SGTA: variants seen among roughly 807,000 people sequenced by gnomAD.
SGTA encodes the protein small glutamine-rich tetratricopeptide repeat-containing protein alpha.
A neutral mutation model predicts 44.3 loss-of-function variants in SGTA; 22 were observed. The observed-to-expected ratio is 0.50, with a 90% CI of 0.36 to 0.71. The LOEUF is 0.71. SGTA is among the 30% of genes least tolerant of loss of function. The pLI is 0.00. For missense variants in SGTA, 341 were observed against 435.9 expected (o/e 0.78, Z 1.94); for synonymous variants, 174 against 177.6 (o/e 0.98, Z 0.16).
intron 1 of SGTA, among the ~76,000 whole-genome samples, chr19:2,776,404 C>T (rs191658729): frequency 2.0e-5 from 3 of 152,346 alleles, no homozygotes; most frequent in African/African-American, 7.2e-5. Context: ...ACAACATGGG[C>T]GGACCTTGAG....
rs572026061 is a variant in SGTA, at chr19:2,763,861, G to A, written c.393-104C>T. ...CTGCGTTCCTCTCCAACTTCCTGGA[G>A]GAACGGCCTCAGTTTTCCCCATCTG... On this transcript the variant is annotated intron_variant, in intron 5 of 11. Transcript: ENST00000221566. The surrounding 1 kb of genome is among the most constrained non-coding windows in gnomAD (Gnocchi z 5.8). 12 of 830,856 alleles carry A rather than the reference G, an allele frequency of 1.4e-5. No individual in the cohort carries two copies. The African/African-American group carries it at 1.7e-4, about 12-fold the overall frequency. 51.5% of individuals were successfully genotyped at this position (830,856 alleles called of 1,614,324 possible). A position where few individuals can be genotyped will look rare whatever the true frequency, so the allele number is the denominator to read the frequency against.
chr19:2,759,240 A>T lies in SGTA; in HGVS notation c.737+17T>A, dbSNP rs1914915933. ...TTTAACCACAACAAGACCCGAAGAA[A>T]CCCGGTTGTCACTTACAGCTGCTGA... On this transcript the variant is annotated intron_variant, in intron 9 of 11. Transcript: ENST00000221566. The T allele has an allele frequency of 6.2e-7, 1 of 1,612,886 alleles. No individual in the cohort carries two copies. The highest frequency in any genetic ancestry group is 8.5e-7 in the Non-Finnish European group (1 of 1,179,118).
At chr19:2,756,486 G>C (rs142420855) in intron 11 of SGTA, among the ~76,000 whole-genome samples, 2 of 151,976 alleles carry the variant, frequency 1.3e-5, no homozygotes, top group Admixed American at 1.3e-4. Flanking sequence ...GATTGTTCTT[G>C]CTGCTTTTTA....
chr19:2,766,558 G>A (rs945265790), intron 4 of SGTA, among the ~76,000 whole-genome samples: 3 of 151,936 alleles, frequency 2.0e-5, no homozygotes, highest in Non-Finnish European at 1.5e-5. Flanking sequence ...TCAGCCTCCT[G>A]AGTAGTTGGG....
At chr19:2,766,496 G>A (rs941144311) in intron 4 of SGTA, among the ~76,000 whole-genome samples, 2 of 151,772 alleles carry the variant, frequency 1.3e-5, no homozygotes, top group African/African-American at 2.4e-5. Flanking sequence ...GCAGTGGCGC[G>A]ATCTGGACTC....
At chr19:2,768,802 C>T (rs1328054628) in intron 2 of SGTA, among the ~76,000 whole-genome samples, 167 bp downstream of exon 2, 3 of 152,234 alleles carry the variant, frequency 2.0e-5, no homozygotes, top group African/African-American at 4.8e-5. Flanking sequence ...CTGGCTCCCA[C>T]GGCCGGGGGC....
intron 1 of SGTA, among the ~76,000 whole-genome samples, chr19:2,771,152 G>A (rs891556764): frequency 1.3e-5 from 2 of 152,242 alleles, no homozygotes; most frequent in African/African-American, 2.4e-5. Flanking sequence ...TCTGCCAGGC[G>A]TGGTGGCTCA....
intron 1 of SGTA, among the ~76,000 whole-genome samples, chr19:2,775,356 C>A (rs1387544386): frequency 2.6e-5 from 4 of 152,236 alleles, no homozygotes; most frequent in Non-Finnish European, 5.9e-5. Context: ...GACCGCATAA[C>A]CCACCCCGCG....
intron 8 of SGTA, 108 bp from the exon 9 acceptor site, chr19:2,759,402 CA>C (rs1914921285): frequency 1.0e-6 from 1 of 990,034 alleles, no homozygotes. Flanking sequence ...TCCAGCACGC[CA>C]ACCAACAGTA....
intron 8 of SGTA, among the ~76,000 whole-genome samples, chr19:2,760,946 G>A (rs368662852): frequency 3.9e-5 from 6 of 152,194 alleles, no homozygotes; most frequent in Admixed American, 3.9e-4. Flanking sequence ...ATGGCTCTCC[G>A]AGGATCCCAG....
In SGTA at chr19:2,763,031, G is replaced by A. The variant is rs780926498; in HGVS notation, c.498-387C>T. On this transcript the variant is annotated intron_variant, in intron 6 of 11. Transcript: ENST00000221566. The surrounding 1 kb of genome is among the most constrained non-coding windows in gnomAD (Gnocchi z 5.8). ...CCTCTGAGCGACAGACATGTCTCCC[G>A]TCATCCACAAGCAGCCCCTGACCCC... 4.0e-5 allele frequency among the ~76,000 whole-genome samples: 6 copies of A among 149,446 alleles called. No individual in the cohort carries two copies. In the South Asian group the frequency reaches 8.6e-4, roughly 21 times the overall value.
chr19:2,771,818 T>C (rs1369903515), intron 1 of SGTA, among the ~76,000 whole-genome samples: 2 of 152,196 alleles, frequency 1.3e-5, no homozygotes, highest in South Asian at 2.1e-4. Flanking sequence ...GGGCAGCCCT[T>C]GGGGAGGCCC....
At chr19:2,778,513 G>A (rs971933027) in intron 1 of SGTA, among the ~76,000 whole-genome samples, 51 of 127,848 alleles carry the variant, frequency 4.0e-4, no homozygotes, top group Non-Finnish European at 6.4e-4. Context: ...CCCGGCCCCC[G>A]CCGCCACATC....
intron 1 of SGTA, 48 bp downstream of exon 1, chr19:2,783,185 G>GC (rs1033783590): frequency 7.9e-5 from 12 of 152,300 alleles, no homozygotes; most frequent in African/African-American, 2.9e-4. Context: ...TGGGCCCCGA[G>GC]CCGCAGACCC....
Position 2,761,239 on chromosome 19 carries a change from G to A in SGTA, c.699+221C>T, listed in dbSNP as rs1248555634. Among the ~76,000 whole-genome samples, 3 of 152,126 alleles carry A rather than the reference G, an allele frequency of 2.0e-5. No individual in the cohort carries two copies. The highest frequency in any genetic ancestry group is 1.3e-4 in the Admixed American group (2 of 15,280). ...ATCAACATTGGGGACACTTTTGATT[G>A]TCGAAGCAGAGGGTGGGGGTGCTCC... On this transcript the variant is annotated intron_variant, in intron 8 of 11. Transcript: ENST00000221566. The surrounding 1 kb of genome is among the most constrained non-coding windows in gnomAD (Gnocchi z 5.7).
intron 2 of SGTA, among the ~76,000 whole-genome samples, chr19:2,768,704 G>A (rs1172919811): frequency 6.6e-6 from 1 of 152,186 alleles, no homozygotes; most frequent in African/African-American, 2.4e-5. Flanking sequence ...TGGGGAGATG[G>A]AAAAAAGCCA....
chr19:2,769,221 T>C, intron 1 of SGTA, 130 bp from the exon 2 acceptor site: 2 of 609,920 alleles, frequency 3.3e-6, no homozygotes, highest in East Asian at 2.8e-5. Flanking sequence ...ACAGCCCAGG[T>C]AGAAAGGCCT....
chr19:2,760,167 C>T (rs1416275495), intron 8 of SGTA, among the ~76,000 whole-genome samples: 1 of 151,962 alleles, frequency 6.6e-6, no homozygotes, highest in Non-Finnish European at 1.5e-5. Context: ...GCTCTGCCGC[C>T]GTATCATGAA....
At chr19:2,778,046 C>A (rs1480903109) in intron 1 of SGTA, 1 of 151,446 alleles carries the variant, frequency 6.6e-6, no homozygotes, top group Non-Finnish European at 1.5e-5. Context: ...GAAATCAGAC[C>A]TGGCTGAGTC....
Sources: allele counts gnomAD v4.1 joint callset (sites outside exome capture counted in the v4.1 genomes callset), GRCh38; gene constraint gnomAD v4.1.1; non-coding constraint Gnocchi (gnomAD v3.1); transcripts MANE v1.5; gene names NCBI Gene and HGNC (gene_info 2026-07-23, HGNC 2026-07-21).